CSGALNACT1: variants seen among roughly 807,000 people sequenced by gnomAD.
The protein encoded by CSGALNACT1 is chondroitin sulfate N-acetylgalactosaminyltransferase 1.
Under a neutral mutation model 51.0 loss-of-function variants are expected in CSGALNACT1, and 52 were observed. The ratio of observed to expected loss-of-function variants is 1.02; its 90% confidence interval spans 0.82 to 1.29. CSGALNACT1 has a LOEUF of 1.29. Ranked by LOEUF, CSGALNACT1 falls within the 50% of genes most tolerant of loss-of-function variation. The pLI, the probability that CSGALNACT1 is intolerant of heterozygous loss-of-function variation, is 0.00. For missense variants in CSGALNACT1, 935 were observed against 679.2 expected (o/e 1.38, Z -4.19); for synonymous variants, 341 against 254.4 (o/e 1.34, Z -3.24).
chr8:19,601,996 A>G, exon 1 of CSGALNACT1: 1 of 386,378 alleles, frequency 2.6e-6, no homozygotes, highest in Non-Finnish European at 5.1e-6. Context: ...TATTACCCCA[A>G]AAAGCAGGAT....
intron 1 of CSGALNACT1, among the ~76,000 whole-genome samples, chr8:19,681,154 T>C (rs773913401): frequency 6.6e-6 from 1 of 152,054 alleles, no homozygotes; most frequent in African/African-American, 2.4e-5. Context: ...TAGAAGCTCA[T>C]TGGGATACTA....
At chr8:19,469,951 G>T (rs2067726536) in intron 4 of CSGALNACT1, among the ~76,000 whole-genome samples, 1 of 152,182 alleles carries the variant, frequency 6.6e-6, no homozygotes, top group Non-Finnish European at 1.5e-5. Context: ...GAAAGGGAAG[G>T]TGCTTGGCTA....
chr8:19,482,151 G>A (rs1016237406), intron 4 of CSGALNACT1, among the ~76,000 whole-genome samples: 1 of 152,082 alleles, frequency 6.6e-6, no homozygotes, highest in Admixed American at 6.5e-5. Context: ...TTTCAGCGCT[G>A]AGCACCTAGA....
chr8:19,416,894 A>C (rs1156305182), intron 8 of CSGALNACT1, among the ~76,000 whole-genome samples: 1 of 151,138 alleles, frequency 6.6e-6, no homozygotes, highest in African/African-American at 2.4e-5. Context: ...ACAGGGTCTC[A>C]CTCCATCACC....
At chr8:19,486,021 CT>C (rs2072837007) in intron 4 of CSGALNACT1, among the ~76,000 whole-genome samples, 1 of 151,822 alleles carries the variant, frequency 6.6e-6, no homozygotes, top group South Asian at 2.1e-4. Flanking sequence ...CCACCTTGGC[CT>C]CCCGAAGTGC....
chr8:19,723,459 G>C, intron 1 of CSGALNACT1, among the ~76,000 whole-genome samples: 1 of 152,162 alleles, frequency 6.6e-6, no homozygotes, highest in East Asian at 1.9e-4. Context: ...GAATAAATCA[G>C]TGTTTGCCAC....
chr8:19,526,208 G>A lies in CSGALNACT1; in HGVS notation c.-296-20078C>T, dbSNP rs141844634. Among the ~76,000 whole-genome samples the A allele has an allele frequency of 6.6e-5, 10 of 152,314 alleles. No individual in the cohort carries two copies. The East Asian group carries it at 1.9e-3, about 29-fold the overall frequency. ...AGGGACATGGGATTGGGAGGCAGGA[G>A]CCCTGGTTTCCATTCAGGGGCTTGC... On this transcript the variant is annotated intron_variant, in intron 3 of 9. Transcript: ENST00000454498.
intron 2 of CSGALNACT1, among the ~76,000 whole-genome samples, chr8:19,597,934 G>T (rs1017761978): frequency 6.6e-6 from 1 of 152,234 alleles, no homozygotes; most frequent in African/African-American, 2.4e-5. Flanking sequence ...GGGAAAATAA[G>T]GCAATAGAGA....
chr8:19,662,078 C>CCCCCCCCCCCA (rs2058802886), intron 1 of CSGALNACT1, among the ~76,000 whole-genome samples: 1 of 69,296 alleles, frequency 1.4e-5, no homozygotes, highest in African/African-American at 6.0e-5. Context: ...CCCCCCACCC[C>CCCCCCCCCCCA]CCCCCCCCCC....
At chr8:19,607,154 CA>C (rs5889878), upstream of CSGALNACT1, among the ~76,000 whole-genome samples, 17,772 of 123,716 alleles carry the variant, frequency 0.14, 1,053 homozygotes, top group East Asian at 0.19. Flanking sequence ...GACTCCGTCT[CA>C]AAAAAAAAAA....
rs577786971 is a variant in CSGALNACT1, at chr8:19,561,561, G to A, written c.-297+29599C>T. ...TCAAATCTAACTGTGGCTTATACCTGCTGCTAAAGGCGGCCTTGGCCTGTC... is the reference window on the plus strand; with the variant it reads ...TCAAATCTAACTGTGGCTTATACCTACTGCTAAAGGCGGCCTTGGCCTGTC... On this transcript the variant is annotated intron_variant, in intron 3 of 9. Coordinates refer to ENST00000454498, the Ensembl canonical transcript of CSGALNACT1. 4.0e-5 allele frequency among the ~76,000 whole-genome samples: 6 copies of A among 151,346 alleles called. No individual in the cohort carries two copies. In the South Asian group the frequency reaches 8.3e-4, roughly 21 times the overall value.
intron 3 of CSGALNACT1, among the ~76,000 whole-genome samples, chr8:19,568,452 T>C (rs1016036421): frequency 1.1e-4 from 17 of 152,150 alleles, no homozygotes; most frequent in Non-Finnish European, 8.8e-5. Flanking sequence ...CATGGCTGTA[T>C]AAGAATTCTG....
At chr8:19,642,789 A>C (rs1245718617) in intron 1 of CSGALNACT1, among the ~76,000 whole-genome samples, 4 of 124,070 alleles carry the variant, frequency 3.2e-5, no homozygotes, top group Admixed American at 7.7e-5. Flanking sequence ...ACCCTGTCAC[A>C]AAAAAAAAAA....
intron 3 of CSGALNACT1, among the ~76,000 whole-genome samples, chr8:19,559,105 A>G (rs1322772164): frequency 2.0e-5 from 3 of 152,188 alleles, no homozygotes; most frequent in East Asian, 1.9e-4. Flanking sequence ...AAACATTTCA[A>G]TGCTCTATTT....
At chr8:19,614,668 T>G (rs2052753324) in intron 1 of CSGALNACT1, among the ~76,000 whole-genome samples, 1 of 152,194 alleles carries the variant, frequency 6.6e-6, no homozygotes, top group Non-Finnish European at 1.5e-5. Context: ...GGTACTGAAG[T>G]TATTCAAATA....
chr8:19,583,183 A>C (rs1436069612), intron 3 of CSGALNACT1, among the ~76,000 whole-genome samples: 1 of 152,196 alleles, frequency 6.6e-6, no homozygotes, highest in Non-Finnish European at 1.5e-5. Flanking sequence ...TTTTTAAAAA[A>C]AAATCCATTA....
intron 6 of CSGALNACT1, among the ~76,000 whole-genome samples, chr8:19,428,385 G>A (rs1585759166): frequency 6.6e-6 from 1 of 152,166 alleles, no homozygotes; most frequent in East Asian, 1.9e-4. Context: ...GGCGGCAGGT[G>A]AGGGAGAATG....
At chr8:19,432,562 T>C (rs2059794334) in intron 6 of CSGALNACT1, among the ~76,000 whole-genome samples, 1 of 152,192 alleles carries the variant, frequency 6.6e-6, no homozygotes. Flanking sequence ...TTCATATGTT[T>C]GTATGCTTGA....
At chr8:19,438,776 G>A (rs1361168525) in intron 6 of CSGALNACT1, among the ~76,000 whole-genome samples, 3 of 152,298 alleles carry the variant, frequency 2.0e-5, no homozygotes, top group East Asian at 3.9e-4. Context: ...GTGGGCTGTA[G>A]TTTGCTGATC....
Sources: gnomAD v4.1 joint callset for allele counts (sites outside exome capture counted in the v4.1 genomes callset) on GRCh38, gnomAD v4.1.1 for gene constraint, MANE v1.5 for transcripts, NCBI Gene and HGNC (gene_info 2026-07-23, HGNC 2026-07-21) for gene names.